Variants in DCP1B observed in about 807,000 individuals in gnomAD.
DCP1B encodes the protein decapping mRNA 1B, also known as mRNA-decapping enzyme 1B.
Under a neutral mutation model 60.5 loss-of-function variants are expected in DCP1B, and 47 were observed. The observed-to-expected ratio is 0.78, with a 90% CI of 0.61 to 0.99. The LOEUF is 0.99. Ranked by LOEUF, DCP1B falls within the 50% of genes least tolerant of loss-of-function variation. The pLI is 0.00. For synonymous variants in DCP1B, 267 were observed against 280.3 expected (o/e 0.95, Z 0.47); for missense variants, 725 against 756.8 (o/e 0.96, Z 0.49).
At chr12:1,955,659 G>T in intron 5 of DCP1B, 99 bp from the exon 6 acceptor site, 1 of 1,343,194 alleles carries the variant, frequency 7.4e-7, no homozygotes, top group Non-Finnish European at 1.0e-6. Flanking sequence ...GTAGACGGCT[G>T]TGTTTTTGAT....
chr12:1,989,940 T>C (rs188505486), intron 3 of DCP1B, among the ~76,000 whole-genome samples: 7 of 152,356 alleles, frequency 4.6e-5, no homozygotes, highest in Admixed American at 2.6e-4. Flanking sequence ...TAATAACTGA[T>C]ATATGCTTGA....
chr12:1,962,684 C>T lies in DCP1B; in HGVS notation c.522+2874G>A, dbSNP rs1332876230. Among the ~76,000 whole-genome samples the T allele has an allele frequency of 6.6e-6, 1 of 151,844 alleles. No individual in the cohort carries two copies. Among genetic ancestry groups the T allele is most frequent in the Non-Finnish European group, 1.5e-5 (1 of 67,966 alleles). ...GAATTAAAAAAACACAAAATGAATA[C>T]AGAATAGTTACTGTCTGAAGCTGAG... is the stretch of plus-strand genomic sequence containing the variant. On this transcript the variant is annotated intron_variant, in intron 5 of 8. Transcript: ENST00000280665. This position sits in a 1 kb window ranked among gnomAD's most constrained non-coding sequence, Gnocchi z 4.4.
chr12:1,974,563 T>C (rs2033691686), intron 3 of DCP1B, among the ~76,000 whole-genome samples: 1 of 152,190 alleles, frequency 6.6e-6, no homozygotes, highest in South Asian at 2.1e-4. Flanking sequence ...AACTAAGAGC[T>C]CAAAGGATGC....
chr12:2,004,277 C>G lies in DCP1B; in HGVS notation c.150+5G>C, dbSNP rs2154480295. On this transcript the variant is annotated splice_donor_5th_base_variant and intron_variant, in intron 1 of 8. Transcript: ENST00000280665. ...GCTGCACTGCTCCGCCGCGTCCGCACGCACCCACTCGTTGGCCCGATGGCC... is the reference window on the plus strand; with the variant it reads ...GCTGCACTGCTCCGCCGCGTCCGCAGGCACCCACTCGTTGGCCCGATGGCC... 8 of 1,613,018 alleles carry G rather than the reference C, an allele frequency of 5.0e-6. No individual in the cohort carries two copies. Among genetic ancestry groups the G allele is most frequent in the Non-Finnish European group, 5.9e-6 (7 of 1,179,858 alleles).
At chr12:1,964,501 T>G (rs2031229433) in intron 5 of DCP1B, among the ~76,000 whole-genome samples, 1 of 152,218 alleles carries the variant, frequency 6.6e-6, no homozygotes, top group South Asian at 2.1e-4. Flanking sequence ...ATTTCTCTTT[T>G]CCTAGATTAT....
At chr12:1,970,909 T>C in intron 3 of DCP1B, 1 of 327,384 alleles carries the variant, frequency 3.1e-6, no homozygotes, top group Non-Finnish European at 5.9e-6. Context: ...TAACTTAAAC[T>C]TGCAGCGATA....
At chr12:1,965,039 GTATT>G in intron 5 of DCP1B, among the ~76,000 whole-genome samples, 1 of 152,204 alleles carries the variant, frequency 6.6e-6, no homozygotes, top group Middle Eastern at 3.4e-3. Flanking sequence ...GAAACCAGTG[GTATT>G]TATTTAGTGG....
rs1255573310 is a variant in DCP1B, at chr12:1,973,527, GTTTTAA to G, written c.320-5623_320-5618del. 1.9e-4 allele frequency among the ~76,000 whole-genome samples: 29 copies of G among 152,096 alleles called. 1 individual carries two copies. Among genetic ancestry groups the G allele is most frequent in the Admixed American group, 2.0e-4 (3 of 15,274 alleles). On this transcript the variant is annotated intron_variant, in intron 3 of 8. Transcript: ENST00000280665. ...AAAGACAGATTTAATCTTTTAGAAA[GTTTTAA>G]TTTATAATGGATTCATGTTATATCA...
At position 1,953,476 on chromosome 12, in the gene DCP1B, C is replaced by T. The variant is rs140812905; in HGVS notation, c.652-188G>A. ...TAATGTCAAAAATTTTCACAGCATG[C>T]TCCCCTTGCACCCCCAAAACAGTTA... On this transcript the variant is annotated intron_variant, in intron 6 of 8. Transcript: ENST00000280665. Among the ~76,000 whole-genome samples, 99 of 152,136 alleles carry T rather than the reference C, an allele frequency of 6.5e-4. 1 individual carries two copies. The East Asian group carries it at 0.013, about 20-fold the overall frequency.
intron 3 of DCP1B, chr12:1,991,139 T>A: frequency 2.2e-6 from 1 of 456,240 alleles, no homozygotes; most frequent in Non-Finnish European, 4.4e-6. Context: ...TGCATCCATG[T>A]TTAATAGTAG....
chr12:1,997,172 T>C (rs1320971516), intron 2 of DCP1B, among the ~76,000 whole-genome samples: 1 of 152,160 alleles, frequency 6.6e-6, no homozygotes, highest in Non-Finnish European at 1.5e-5. Context: ...GACTAGACAA[T>C]GGAGGACTGA....
chr12:1,969,268 A>G (rs1259321803), intron 3 of DCP1B, among the ~76,000 whole-genome samples: 1 of 152,226 alleles, frequency 6.6e-6, no homozygotes, highest in African/African-American at 2.4e-5. Flanking sequence ...GTAATGATTC[A>G]TATATCAAAA....
At chr12:1,951,716 G>A (rs1456034648) in intron 7 of DCP1B, among the ~76,000 whole-genome samples, 1 of 152,174 alleles carries the variant, frequency 6.6e-6, no homozygotes, top group Non-Finnish European at 1.5e-5. Flanking sequence ...TGGGCTGTGG[G>A]TAAGGAGTCT....
chr12:2,002,948 T>C (rs1471885235), intron 1 of DCP1B, among the ~76,000 whole-genome samples: 1 of 152,126 alleles, frequency 6.6e-6, no homozygotes, highest in Non-Finnish European at 1.5e-5. Flanking sequence ...CAAATTCCCC[T>C]GGAAACTAGG....
In DCP1B at chr12:1,948,584, C is replaced by T. The variant is rs147254049; in HGVS notation, c.1773+502G>A. Among the ~76,000 whole-genome samples the T allele has an allele frequency of 4.3e-3, 659 of 152,312 alleles. 5 individuals are homozygous for T. The highest frequency in any genetic ancestry group is 6.8e-3 in the Middle Eastern group (2 of 294). ...CACAAGGAGTCCTGTCACTCCATCC[C>T]GTCCTAATGAGCAGGTTTCAAAATG... On this transcript the variant is annotated intron_variant, in intron 8 of 8. Coordinates refer to ENST00000280665, the MANE Select transcript of DCP1B (RefSeq NM_152640.5). This position sits in a 1 kb window ranked among gnomAD's most constrained non-coding sequence, Gnocchi z 4.8.
chr12:1,967,521 A>G (rs1267171703), intron 4 of DCP1B, among the ~76,000 whole-genome samples: 1 of 152,244 alleles, frequency 6.6e-6, no homozygotes, highest in Non-Finnish European at 1.5e-5. Context: ...ACCAACAGGC[A>G]TATTGATAAC....
At chr12:1,974,696 A>G (rs1157727654) in intron 3 of DCP1B, among the ~76,000 whole-genome samples, 1 of 152,162 alleles carries the variant, frequency 6.6e-6, no homozygotes, top group Non-Finnish European at 1.5e-5. Flanking sequence ...GCGTTTGATA[A>G]TGGCAATCCC....
At chr12:1,998,332 GGGT>G (rs1374126230) in intron 1 of DCP1B, among the ~76,000 whole-genome samples, 1 of 152,138 alleles carries the variant, frequency 6.6e-6, no homozygotes, top group African/African-American at 2.4e-5. Context: ...CCACCACACT[GGGT>G]ATAGAGAAAG....
intron 3 of DCP1B, chr12:1,991,505 AT>A (rs1347525153): frequency 4.2e-6 from 1 of 240,800 alleles, no homozygotes; most frequent in Non-Finnish European, 8.3e-6. Context: ...AAATATTGTC[AT>A]TTCAACATGT....
Sources: allele counts gnomAD v4.1 joint callset (sites outside exome capture counted in the v4.1 genomes callset), GRCh38; gene constraint gnomAD v4.1.1; non-coding constraint Gnocchi (gnomAD v3.1); transcripts MANE v1.5; gene names NCBI Gene and HGNC (gene_info 2026-07-23, HGNC 2026-07-21).